PCDHGA7: variants seen among roughly 807,000 people sequenced by gnomAD.
PCDHGA7 encodes protocadherin gamma-A7.
In PCDHGA7, 44 loss-of-function variants were observed where a neutral mutation model predicts 58.3. That is an observed-to-expected ratio of 0.75 (90% confidence interval 0.59 to 0.97). The LOEUF (loss-of-function observed/expected upper bound fraction) is 0.97, where lower values mean the gene tolerates loss of function less well. Ranked by LOEUF, PCDHGA7 falls within the 50% of genes least tolerant of loss-of-function variation. The pLI, the probability that PCDHGA7 is intolerant of heterozygous loss-of-function variation, is 0.00. For synonymous variants in PCDHGA7, 516 were observed against 504.2 expected (o/e 1.02, Z -0.31); for missense variants, 1,266 against 1,188.7 (o/e 1.06, Z -0.96).
chr5:141,468,443 G>A (rs760789357), intron 1 of PCDHGA7: 6 of 152,124 alleles, frequency 3.9e-5, no homozygotes, highest in Non-Finnish European at 8.8e-5. Context: ...AAATGTGGGT[G>A]CAAAATTAAA....
Position 141,491,176 on chromosome 5 carries a change from G to A in PCDHGA7, c.2425-3631G>A. The A allele has an allele frequency of 1.2e-6, 2 of 1,614,210 alleles. No homozygotes were observed. The highest frequency in any genetic ancestry group is 8.5e-7 in the Non-Finnish European group (1 of 1,180,024). On this transcript the variant is annotated intron_variant, in intron 1 of 3. Transcript: ENST00000518325. The surrounding 1 kb of genome is among the most constrained non-coding windows in gnomAD (Gnocchi z 6.9). ...TGACTCTGACACCCAGCAGGTGGTG[G>A]TCCTGGTGAGGGACAATGGTGACCC...
At chr5:141,433,765 A>G (rs1389737053) in intron 1 of PCDHGA7, among the ~76,000 whole-genome samples, 1 of 148,692 alleles carries the variant, frequency 6.7e-6, no homozygotes, top group Non-Finnish European at 1.5e-5. Flanking sequence ...TTAACCTGGG[A>G]GGTGGAGGTT....
rs755093164 is a variant in PCDHGA7, at chr5:141,485,516, G to C, written c.2425-9291G>C. On this transcript the variant is annotated intron_variant, in intron 1 of 3. Coordinates refer to ENST00000518325, the MANE Select transcript of PCDHGA7 (RefSeq NM_018920.4). The surrounding 1 kb of genome is among the most constrained non-coding windows in gnomAD (Gnocchi z 5.7). Reference sequence around the variant, plus strand: ...GGAGTTTGTCACCGAAGGTCCTTTGGAAATGTACCGAGCAGAGGTAGAGAT... The same window carrying C: ...GGAGTTTGTCACCGAAGGTCCTTTGCAAATGTACCGAGCAGAGGTAGAGAT... 1 of 1,614,172 alleles carries C rather than the reference G, an allele frequency of 6.2e-7. No individual in the cohort carries two copies.
chr5:141,471,394 G>A (rs1349459242), intron 1 of PCDHGA7: 1 of 152,056 alleles, frequency 6.6e-6, no homozygotes, highest in Non-Finnish European at 1.5e-5. Context: ...TACAAGTTAC[G>A]TAGCTAGGCT....
At chr5:141,474,156 A>C (rs1387216017) in intron 1 of PCDHGA7, among the ~76,000 whole-genome samples, 1 of 152,244 alleles carries the variant, frequency 6.6e-6, no homozygotes, top group East Asian at 1.9e-4. Flanking sequence ...CAAGAAAATG[A>C]CAGGCCTTAT....
chr5:141,482,740 G>A (rs1288861437), intron 1 of PCDHGA7, among the ~76,000 whole-genome samples: 1 of 127,398 alleles, frequency 7.8e-6, no homozygotes, highest in African/African-American at 3.6e-5. Context: ...GAAATTCCAT[G>A]CAGAGGGATT....
intron 1 of PCDHGA7, chr5:141,403,605 G>A (rs2094432434): frequency 6.2e-7 from 1 of 1,613,690 alleles, no homozygotes; most frequent in Admixed American, 1.7e-5. Context: ...TCGGATGGCG[G>A]CGAGCCGCGT....
At position 141,491,765 on chromosome 5, in the gene PCDHGA7, A is replaced by C; in HGVS notation, c.2425-3042A>C. 1 of 1,569,230 alleles carries C rather than the reference A, an allele frequency of 6.4e-7. No homozygotes were observed. On this transcript the variant is annotated intron_variant, in intron 1 of 3. Coordinates refer to ENST00000518325, the MANE Select transcript of PCDHGA7 (RefSeq NM_018920.4). This position sits in a 1 kb window ranked among gnomAD's most constrained non-coding sequence, Gnocchi z 6.9. The stretch of plus-strand genomic sequence containing the variant: ...GGCACTGGAGAAGCCGCCCGTCCTC[A>C]TAAGGGATTGAACTTGCATCCACTC...
At chr5:141,421,464 T>C in intron 1 of PCDHGA7, 1 of 1,614,090 alleles carries the variant, frequency 6.2e-7, no homozygotes, top group Non-Finnish European at 8.5e-7. Flanking sequence ...TCGCTGTGAA[T>C]CCGCGAAGCG....
intron 1 of PCDHGA7, chr5:141,399,398 G>A (rs1374441258): frequency 6.2e-7 from 1 of 1,613,972 alleles, no homozygotes; most frequent in Non-Finnish European, 8.5e-7. Flanking sequence ...ACAGACAGGG[G>A]CAAGCCGCCC....
At chr5:141,428,616 G>A (rs2097151212) in intron 1 of PCDHGA7, 1 of 207,844 alleles carries the variant, frequency 4.8e-6, no homozygotes, top group Admixed American at 5.3e-5. Flanking sequence ...AGAATAACAA[G>A]ATAAGCTCTA....
chr5:141,389,590 G>C (rs1409328445), intron 1 of PCDHGA7: 1 of 1,613,014 alleles, frequency 6.2e-7, no homozygotes, highest in Non-Finnish European at 8.5e-7. Context: ...GGTCCCGACG[G>C]CTCTGCGCTC....
intron 1 of PCDHGA7, chr5:141,423,835 C>T (rs1371309974): frequency 1.2e-5 from 15 of 1,278,290 alleles, no homozygotes; most frequent in African/African-American, 9.4e-5. Flanking sequence ...CATGAGATTA[C>T]GATAATCTTT....
intron 2 of PCDHGA7, among the ~76,000 whole-genome samples, chr5:141,500,894 C>CAG (rs10656935): frequency 0.58 from 88,074 of 150,994 alleles, 27,125 homozygotes; most frequent in African/African-American, 0.78. Flanking sequence ...TTTTTTGAGA[C>CAG]AGTCTCGCTC....
chr5:141,394,491 C>A lies in PCDHGA7; in HGVS notation c.2424+9168C>A, dbSNP rs1477855534. 4 of 1,614,234 alleles carry A rather than the reference C, an allele frequency of 2.5e-6. No homozygotes were observed. The highest frequency in any genetic ancestry group is 2.5e-6 in the Non-Finnish European group (3 of 1,180,046). On this transcript the variant is annotated intron_variant, in intron 1 of 3. Transcript: ENST00000518325. The stretch of plus-strand genomic sequence containing the variant: ...CGTGCTGGACCAGAATGACAACGCG[C>A]CCGAGATCCTGTACCCCGCCCTCCC...
intron 1 of PCDHGA7, chr5:141,409,281 C>A (rs1238898498): frequency 6.2e-7 from 1 of 1,613,874 alleles, no homozygotes; most frequent in Non-Finnish European, 8.5e-7. Flanking sequence ...TTGGAGAATT[C>A]ACCTCCAGGA....
At position 141,383,567 on chromosome 5, in the gene PCDHGA7, C is replaced by A. The variant is rs752569196; in HGVS notation, c.668C>A (p.Ser223Tyr). ...TCTGATGGCGGCGACCCGCCCCGATCCAGCACCGCCCACATCCAGGTGACA... is the reference window on the plus strand; with the variant it reads ...TCTGATGGCGGCGACCCGCCCCGATACAGCACCGCCCACATCCAGGTGACA... ...TASDGGDPPR[S>Y]STAHIQVTVV... The change falls in exon 1 of 4, where the codon TCC becomes TAC. Residue 223 changes from serine (S) to tyrosine (Y), a missense_variant. By Grantham distance (144) the Ser-to-Tyr change is moderately radical (BLOSUM62 -2). Coordinates refer to ENST00000518325, the MANE Select transcript of PCDHGA7 (RefSeq NM_018920.4). The A allele has an allele frequency of 6.2e-7, 1 of 1,613,214 alleles. No individual in the cohort carries two copies. The highest frequency in any genetic ancestry group is 8.5e-7 in the Non-Finnish European group (1 of 1,179,706).
At chr5:141,501,691 G>C (rs910322085) in intron 2 of PCDHGA7, among the ~76,000 whole-genome samples, 1 of 152,092 alleles carries the variant, frequency 6.6e-6, no homozygotes, top group Non-Finnish European at 1.5e-5. Context: ...CTTATCTGCA[G>C]GGTGATTCCG....
At chr5:141,509,094 T>C (rs1038935185) in intron 3 of PCDHGA7, among the ~76,000 whole-genome samples, 4 of 152,152 alleles carry the variant, frequency 2.6e-5, no homozygotes, top group African/African-American at 9.7e-5. Context: ...AAATGGGGGC[T>C]GTAGAAACCT....
Sources: allele counts gnomAD v4.1 joint callset (sites outside exome capture counted in the v4.1 genomes callset), GRCh38; gene constraint gnomAD v4.1.1; non-coding constraint Gnocchi (gnomAD v3.1); transcripts MANE v1.5; gene names NCBI Gene and HGNC (gene_info 2026-07-23, HGNC 2026-07-21).